The following JAKMIP2 variants were observed in gnomAD, a reference collection of about 807,000 sequenced individuals.
The protein encoded by JAKMIP2 is janus kinase and microtubule interacting protein 2.
Under a neutral mutation model 115.0 loss-of-function variants are expected in JAKMIP2, and 25 were observed. The observed-to-expected ratio is 0.22, with a 90% CI of 0.16 to 0.30. The LOEUF is 0.30. Ranked by LOEUF, JAKMIP2 falls within the 10% of genes least tolerant of loss-of-function variation. The probability of loss-of-function intolerance (pLI) is 1.00; values close to 1 mark genes in which losing one functional copy is unlikely to be tolerated. For synonymous variants in JAKMIP2, 334 were observed against 343.6 expected (o/e 0.97, Z 0.31); for missense variants, 642 against 957.6 (o/e 0.67, Z 4.35).
intron 1 of JAKMIP2, among the ~76,000 whole-genome samples, chr5:147,677,688 T>C (rs557271223): frequency 6.6e-6 from 1 of 152,242 alleles, no homozygotes; most frequent in Non-Finnish European, 1.5e-5. Flanking sequence ...AAAATTCCCA[T>C]TCAGCATTCT....
At chr5:147,689,661 G>A (rs1191799988) in intron 1 of JAKMIP2, among the ~76,000 whole-genome samples, 1 of 152,170 alleles carries the variant, frequency 6.6e-6, no homozygotes, top group Non-Finnish European at 1.5e-5. Context: ...AATGTATAAA[G>A]CTCTCACTCT....
intron 1 of JAKMIP2, among the ~76,000 whole-genome samples, chr5:147,686,901 A>G (rs1226217795): frequency 1.3e-5 from 2 of 152,182 alleles, no homozygotes; most frequent in Non-Finnish European, 2.9e-5. Context: ...TCTCATTTTA[A>G]GTTTTAAGCT....
chr5:147,740,372 T>C (rs1206625322), intron 1 of JAKMIP2, among the ~76,000 whole-genome samples: 3 of 152,240 alleles, frequency 2.0e-5, no homozygotes, highest in Non-Finnish European at 2.9e-5. Context: ...ATCAGCACAC[T>C]GTGAAGCCAG....
intron 2 of JAKMIP2, among the ~76,000 whole-genome samples, chr5:147,664,451 T>A (rs1759193411): frequency 6.6e-6 from 1 of 152,078 alleles, no homozygotes; most frequent in African/African-American, 2.4e-5. Flanking sequence ...GTGGGGGGGA[T>A]TATGCTATTT....
intron 1 of JAKMIP2, among the ~76,000 whole-genome samples, chr5:147,711,494 G>C (rs1752779336): frequency 6.6e-6 from 1 of 152,156 alleles, no homozygotes; most frequent in South Asian, 2.1e-4. Context: ...TATTGGTTAA[G>C]AGTATAGACA....
chr5:147,710,031 C>A (rs1235020411), intron 1 of JAKMIP2, among the ~76,000 whole-genome samples: 2 of 152,086 alleles, frequency 1.3e-5, no homozygotes, highest in Admixed American at 6.6e-5. Context: ...CTTTGAAATT[C>A]TTCAATGCCT....
At chr5:147,630,382 G>A (rs888936687) in intron 14 of JAKMIP2, among the ~76,000 whole-genome samples, 3 of 152,046 alleles carry the variant, frequency 2.0e-5, no homozygotes, top group Non-Finnish European at 2.9e-5. Context: ...AAAATGCATC[G>A]AAGGAAAAGG....
At chr5:147,646,645 ATATATGTATGTC>A (rs1186699952) in intron 5 of JAKMIP2, among the ~76,000 whole-genome samples, 1 of 151,774 alleles carries the variant, frequency 6.6e-6, no homozygotes, top group Non-Finnish European at 1.5e-5. Context: ...ATATGTATGT[ATATATGTATGTC>A]TATATAGTTA....
rs915488600 is a variant in JAKMIP2, at chr5:147,743,524, C to T, written c.-149+38932G>A. Among the ~76,000 whole-genome samples the T allele has an allele frequency of 5.3e-5, 8 of 152,298 alleles. No homozygotes were observed. The South Asian group carries it at 1.7e-3, about 32-fold the overall frequency. ...AATGGGATTAGGTTGAGGTTTGACA[C>T]ACAGAAACCTGGATTAGTAATTTAT... is the stretch of plus-strand genomic sequence containing the variant. On this transcript the variant is annotated intron_variant, in intron 1 of 21. Transcript: ENST00000616793.
At chr5:147,596,886 TG>T (rs1269274328) in intron 21 of JAKMIP2, among the ~76,000 whole-genome samples, 1 of 152,028 alleles carries the variant, frequency 6.6e-6, no homozygotes, top group Non-Finnish European at 1.5e-5. Flanking sequence ...ATTTTTTTGG[TG>T]GGGGGATGGA....
chr5:147,668,678 C>CTTAAA (rs1759431166), intron 2 of JAKMIP2, among the ~76,000 whole-genome samples: 1 of 152,180 alleles, frequency 6.6e-6, no homozygotes, highest in South Asian at 2.1e-4. Flanking sequence ...CATGAAAGCA[C>CTTAAA]TTAACATGCT....
chr5:147,631,654 G>A, intron 13 of JAKMIP2, 143 bp from the exon 14 acceptor site: 1 of 549,350 alleles, frequency 1.8e-6, no homozygotes, highest in Non-Finnish European at 3.2e-6. Flanking sequence ...AGATGTTCAT[G>A]ATTAAATGTG....
chr5:147,740,057 T>A (rs1754086741), intron 1 of JAKMIP2, among the ~76,000 whole-genome samples: 1 of 152,264 alleles, frequency 6.6e-6, no homozygotes, highest in Admixed American at 6.5e-5. Flanking sequence ...TTCTCCTTTT[T>A]AAATCAACTG....
chr5:147,726,505 T>C (rs955760653), intron 1 of JAKMIP2, among the ~76,000 whole-genome samples: 1 of 152,202 alleles, frequency 6.6e-6, no homozygotes, highest in African/African-American at 2.4e-5. Flanking sequence ...AAAATAACTG[T>C]TCATCCCCTC....
intron 2 of JAKMIP2, among the ~76,000 whole-genome samples, chr5:147,664,660 C>G (rs959895645): frequency 6.6e-6 from 1 of 152,118 alleles, no homozygotes; most frequent in Admixed American, 6.5e-5. Flanking sequence ...GAAACACCTC[C>G]TTAGTAGCGG....
At chr5:147,636,367 G>A in intron 11 of JAKMIP2, 83 bp from the exon 12 acceptor site, 2 of 1,073,780 alleles carry the variant, frequency 1.9e-6, no homozygotes, top group East Asian at 2.5e-5. Context: ...TGCCAGAGCT[G>A]CCTTCTCCCC....
chr5:147,664,325 G>A (rs1031604027), intron 2 of JAKMIP2, among the ~76,000 whole-genome samples: 3 of 152,086 alleles, frequency 2.0e-5, no homozygotes, highest in Non-Finnish European at 4.4e-5. Flanking sequence ...GCTCTTTTAT[G>A]TTGTGGAATA....
chr5:147,759,016 A>G (rs1754840632), intron 1 of JAKMIP2, among the ~76,000 whole-genome samples: 1 of 152,060 alleles, frequency 6.6e-6, no homozygotes, highest in African/African-American at 2.4e-5. Context: ...TTTGATGATA[A>G]AGACTTTAAG....
intron 1 of JAKMIP2, among the ~76,000 whole-genome samples, chr5:147,725,830 A>T (rs1251597686): frequency 6.6e-6 from 1 of 152,090 alleles, no homozygotes; most frequent in Non-Finnish European, 1.5e-5. Context: ...TTCTCTTTGG[A>T]TTAATCTGCC....
Sources: allele counts gnomAD v4.1 joint callset (sites outside exome capture counted in the v4.1 genomes callset), GRCh38; gene constraint gnomAD v4.1.1; transcripts MANE v1.5; gene names NCBI Gene and HGNC (gene_info 2026-07-23, HGNC 2026-07-21).